Variants in GFM1 observed in about 807,000 individuals in gnomAD.
GFM1 encodes G elongation factor mitochondrial 1.
GFM1 carries 62 observed loss-of-function variants against 96.2 expected under a neutral mutation model. The observed-to-expected ratio is 0.64, with a 90% CI of 0.53 to 0.80. GFM1 has a LOEUF of 0.80. Among genes scored for constraint, GFM1 ranks in the 30% least tolerant of loss-of-function variants. The pLI is 0.00. For missense variants in GFM1, 852 were observed against 916.6 expected, an observed-to-expected ratio of 0.93 and a Z score of 0.91; for synonymous variants, 282 against 312.9, an observed-to-expected ratio of 0.90 and a Z score of 1.04.
At chr3:158,645,979 C>A in intron 2 of GFM1, 186 bp from the exon 3 acceptor site, 2 of 838,502 alleles carry the variant, frequency 2.4e-6, no homozygotes, top group South Asian at 1.5e-5. Flanking sequence ...GAAGAGGTCT[C>A]ACTTTGTTGC....
chr3:158,645,616 G>C lies in GFM1; in HGVS notation c.82-13G>C, dbSNP rs775613083. On this transcript the variant is annotated splice_polypyrimidine_tract_variant and intron_variant, in intron 1 of 17. Transcript: ENST00000486715. Reference sequence around the variant, plus strand: ...AAAAGGTGCATAGAATTGAGCTCTCGTATTTTTTTCAGGTTAATTGGAAGG... The same window carrying C: ...AAAAGGTGCATAGAATTGAGCTCTCCTATTTTTTTCAGGTTAATTGGAAGG... 1 of 1,607,052 alleles carries C rather than the reference G, an allele frequency of 6.2e-7. No homozygotes were observed. The highest frequency in any genetic ancestry group is 8.5e-7 in the Non-Finnish European group (1 of 1,173,774).
In GFM1 at chr3:158,646,840, C is replaced by T. The variant is rs747922606; in HGVS notation, c.465C>T (p.Thr155=). ...CTGTTGGAGGGGTACAGTGCCAGAC[C>T]ATGACTGTCAATCGTCAGATGAAGC... The part of the protein sequence containing the change: ...LCAVGGVQCQ[T]MTVNRQMKRY... The change falls in exon 4 of 18, where the codon ACC becomes ACT. Residue 155 remains threonine (T), a synonymous_variant. Transcript: ENST00000486715. 23 of 1,614,122 alleles carry T rather than the reference C, an allele frequency of 1.4e-5. No homozygotes were observed. The Admixed American group carries it at 3.7e-4, about 26-fold the overall frequency.
At chr3:158,669,637 T>G (rs765727382) in intron 13 of GFM1, 2 of 1,595,730 alleles carry the variant, frequency 1.3e-6, no homozygotes, top group Non-Finnish European at 1.7e-6. Flanking sequence ...AAAATATCCT[T>G]ATATACAGAA....
At chr3:158,663,845 G>T (rs1723393300) in intron 11 of GFM1, among the ~76,000 whole-genome samples, 1 of 152,162 alleles carries the variant, frequency 6.6e-6, no homozygotes, top group Non-Finnish European at 1.5e-5. Flanking sequence ...GCATTAAAAA[G>T]TTTAAAGATG....
chr3:158,691,443 T>C lies in GFM1; in HGVS notation c.2232T>C (p.Val744=), dbSNP rs1369807009. 1 of 1,613,602 alleles carries C rather than the reference T, an allele frequency of 6.2e-7. No individual in the cohort carries two copies. Among genetic ancestry groups the C allele is most frequent in the South Asian group, 1.1e-5 (1 of 91,034 alleles). The change falls in exon 18 of 18, where the codon GTT becomes GTC. Residue 744 remains valine (V), a synonymous_variant. Transcript: ENST00000486715. ...KYLEATGQLP[V]KKGKAKN is the part of the protein sequence containing the mutation. Reference sequence around the variant, plus strand: ...TGGAAGCTACAGGTCAACTTCCTGTTAAAAAAGGAAAAGCCAAGAACTAAC... The same window carrying C: ...TGGAAGCTACAGGTCAACTTCCTGTCAAAAAAGGAAAAGCCAAGAACTAAC...
At chr3:158,683,692 G>C (rs777152190) in intron 14 of GFM1, among the ~76,000 whole-genome samples, 2 of 152,102 alleles carry the variant, frequency 1.3e-5, no homozygotes, top group Non-Finnish European at 2.9e-5. Flanking sequence ...TCTTAGTTTT[G>C]CCTTTCCGCT....
intron 13 of GFM1, among the ~76,000 whole-genome samples, chr3:158,679,335 C>G (rs991367741): frequency 6.6e-6 from 1 of 152,152 alleles, no homozygotes; most frequent in Admixed American, 6.5e-5. Context: ...AGCTTCATTG[C>G]AGTGGTCTGT....
At chr3:158,672,430 C>T in intron 13 of GFM1, 2 of 1,614,126 alleles carry the variant, frequency 1.2e-6, no homozygotes, top group Non-Finnish European at 1.7e-6. Context: ...TAGTTCTGTG[C>T]CACCAAGGCC....
At position 158,646,183 on chromosome 3, in the gene GFM1, G is replaced by T; in HGVS notation, c.253G>T (p.Val85Phe). ...TGTTTAGGTGAAAGGTAAAGATGGA[G>T]TTGGTGCTGTCATGGATTCCATGGA... ...KMHEVKGKDG[V>F]GAVMDSMELE... The change falls in exon 3 of 18, where the codon GTT becomes TTT. Residue 85 changes from valine (V) to phenylalanine (F), a missense_variant. Val to Phe is a conservative substitution (Grantham distance 50, BLOSUM62 -1). Transcript: ENST00000486715. 5 of 1,614,190 alleles carry T rather than the reference G, an allele frequency of 3.1e-6. No homozygotes were observed. Among genetic ancestry groups the T allele is most frequent in the Non-Finnish European group, 4.2e-6 (5 of 1,180,012 alleles).
intron 8 of GFM1, among the ~76,000 whole-genome samples, chr3:158,655,486 A>G (rs529142539): frequency 3.9e-5 from 2 of 51,580 alleles, no homozygotes; most frequent in Admixed American, 1.6e-4. Context: ...TTCATCTCGG[A>G]AAAAAAAAAA....
intron 7 of GFM1, among the ~76,000 whole-genome samples, chr3:158,653,999 G>T (rs753060248): frequency 6.6e-6 from 1 of 151,848 alleles, no homozygotes; most frequent in African/African-American, 2.4e-5. Flanking sequence ...GGAACCTGGC[G>T]GGGCAGAGGC....
chr3:158,669,605 A>C, intron 13 of GFM1: 1 of 1,613,198 alleles, frequency 6.2e-7, no homozygotes, highest in Non-Finnish European at 8.5e-7. Flanking sequence ...AGTTCACCTT[A>C]ACTTGCTGTT....
chr3:158,675,116 G>A (rs563481664), intron 13 of GFM1, among the ~76,000 whole-genome samples: 2 of 151,958 alleles, frequency 1.3e-5, no homozygotes, highest in East Asian at 1.9e-4. Context: ...GTGAAACCCC[G>A]TCTCTACTTA....
chr3:158,693,852 C>CT lies in GFM1; in HGVS notation c.*2391dup, dbSNP rs1181233863. 1 of 152,144 alleles carries CT rather than the reference C, an allele frequency of 6.6e-6. No individual in the cohort carries two copies. The highest frequency in any genetic ancestry group is 2.4e-5 in the African/African-American group (1 of 41,440). The allele number at this position is 152,144 out of a possible 1,614,324, so 9.4% of individuals were successfully genotyped here. ...TTATTTGGCTGGATCAAGATAAAAA[C>CT]TTTTTTGGGTGATTCTAATATGCAG... On this transcript the variant is annotated 3_prime_UTR_variant, in exon 18 of 18. Coordinates refer to ENST00000486715, the MANE Select transcript of GFM1 (RefSeq NM_024996.7).
At chr3:158,690,425 T>C (rs1726217106) in intron 16 of GFM1, 102 bp downstream of exon 16, 3 of 1,146,554 alleles carry the variant, frequency 2.6e-6, no homozygotes, top group Non-Finnish European at 4.0e-6. Flanking sequence ...TTGCTGAATT[T>C]GTGGCTTTAT....
chr3:158,647,679 C>T (rs1486237295), intron 4 of GFM1, among the ~76,000 whole-genome samples: 1 of 152,176 alleles, frequency 6.6e-6, no homozygotes, highest in Non-Finnish European at 1.5e-5. Context: ...TGAAAGTGAA[C>T]ATTTTCTTAG....
chr3:158,653,853 C>T (rs534812107), intron 7 of GFM1, among the ~76,000 whole-genome samples: 3 of 152,104 alleles, frequency 2.0e-5, no homozygotes, highest in Admixed American at 6.6e-5. Flanking sequence ...GGCGGATCAC[C>T]TGAGGTTGGG....
At chr3:158,679,429 T>C (rs934620136) in intron 13 of GFM1, among the ~76,000 whole-genome samples, 16 of 152,230 alleles carry the variant, frequency 1.1e-4, no homozygotes, top group African/African-American at 3.9e-4. Flanking sequence ...ATTTGTAATG[T>C]ACTATCTTCC....
chr3:158,673,639 G>A (rs578207641), intron 13 of GFM1, among the ~76,000 whole-genome samples: 43 of 151,602 alleles, frequency 2.8e-4, no homozygotes, highest in Admixed American at 9.2e-4. Context: ...AGCCTCCAGA[G>A]TAGCTGGGAT....
Sources: allele counts gnomAD v4.1 joint callset (sites outside exome capture counted in the v4.1 genomes callset), GRCh38; gene constraint gnomAD v4.1.1; transcripts MANE v1.5; gene names NCBI Gene and HGNC (gene_info 2026-07-23, HGNC 2026-07-21).